Variants in ALK observed in about 807,000 individuals in gnomAD.
ALK encodes ALK tyrosine kinase receptor.
Under a neutral mutation model 163.1 loss-of-function variants are expected in ALK, and 74 were observed. That is an observed-to-expected ratio of 0.45 (90% CI 0.38 to 0.55). The LOEUF (loss-of-function observed/expected upper bound fraction) is 0.55, where lower values mean the gene tolerates loss of function less well. Among genes scored for constraint, ALK ranks in the 20% least tolerant of loss-of-function variants. The pLI is 0.00. For synonymous variants in ALK, 960 were observed against 843.2 expected (o/e 1.14, Z -2.40); for missense variants, 2,063 against 2,105.3 (o/e 0.98, Z 0.39).
intron 4 of ALK, among the ~76,000 whole-genome samples, chr2:29,490,600 G>A (rs1339210015): frequency 6.6e-6 from 1 of 152,144 alleles, no homozygotes; most frequent in Non-Finnish European, 1.5e-5. Context: ...ACTCAACTTT[G>A]AGAACCACTG....
intron 9 of ALK, among the ~76,000 whole-genome samples, chr2:29,288,951 C>CAAAAAAAAAAAAAAAAAAAAAA (rs770578645): frequency 4.1e-5 from 1 of 24,178 alleles, no homozygotes; most frequent in Non-Finnish European, 2.7e-4. Context: ...GACTCCTTCT[C>CAAAAAAAAAAAAAAAAAAAAAA]AAAAAAATAA....
At chr2:29,758,711 G>A (rs1003972092) in intron 1 of ALK, among the ~76,000 whole-genome samples, 1 of 152,112 alleles carries the variant, frequency 6.6e-6, no homozygotes, top group Admixed American at 6.6e-5. Context: ...GCCTCTTCCT[G>A]CTTTTTTCTC....
chr2:29,512,202 A>G (rs1672541039), intron 4 of ALK, among the ~76,000 whole-genome samples: 1 of 152,162 alleles, frequency 6.6e-6, no homozygotes, highest in Non-Finnish European at 1.5e-5. Flanking sequence ...GATTTTGTTT[A>G]GGTCTAGACC....
chr2:29,335,904 G>A (rs1350648309), intron 5 of ALK, among the ~76,000 whole-genome samples: 1 of 152,060 alleles, frequency 6.6e-6, no homozygotes, highest in African/African-American at 2.4e-5. Flanking sequence ...GCTGGGCGTG[G>A]TCATGGACAC....
intron 18 of ALK, among the ~76,000 whole-genome samples, chr2:29,226,342 G>T (rs1034446867): frequency 2.1e-4 from 32 of 151,916 alleles, no homozygotes; most frequent in African/African-American, 7.5e-4. Context: ...GCCTGGCATG[G>T]TGGTGGGCGC....
intron 3 of ALK, among the ~76,000 whole-genome samples, chr2:29,550,727 T>A (rs1673694669): frequency 6.6e-6 from 1 of 152,224 alleles, no homozygotes; most frequent in Admixed American, 6.5e-5. Flanking sequence ...TTTTCCTTTG[T>A]TATCAATCTT....
chr2:29,377,474 C>CA (rs372035289), intron 5 of ALK, among the ~76,000 whole-genome samples: 77,217 of 118,752 alleles, frequency 0.65, 25,345 homozygotes, highest in South Asian at 0.77. Flanking sequence ...GACTACATCT[C>CA]AAAAAAAAAA....
Position 29,227,016 on chromosome 2 carries a change from C to T in ALK, c.2973G>A (p.Glu991=), listed in dbSNP as rs1308382986. 1.3e-5 allele frequency: 21 copies of T among 1,614,070 alleles called. No individual in the cohort carries two copies. The highest frequency in any genetic ancestry group is 1.8e-5 in the Non-Finnish European group (21 of 1,180,046). Residue 991 remains glutamate, a synonymous_variant, in exon 18 of 29, where the codon GAG becomes GAA. Transcript: ENST00000389048. This position sits in a 1 kb window ranked among gnomAD's most constrained non-coding sequence, Gnocchi z 4.4. ...CAGGGTCCATGTGACATTCGTCTAC[C>T]TCACAGTGACTGCAGTTTAGATAAT... ...IKHYLNCSHC[E]VDECHMDPES...
rs770893847 is a variant in ALK, at chr2:29,532,116, C to T, written c.953G>A (p.Gly318Asp). 11 of 1,613,788 alleles carry T rather than the reference C, an allele frequency of 6.8e-6. No individual in the cohort carries two copies. Among genetic ancestry groups the T allele is most frequent in the Non-Finnish European group, 8.5e-6 (10 of 1,179,930 alleles). ...GAERSKEMPR[G>D]SFLLLNTSAD... ...TGAGGTGTTGAGAAGGAGAAAGGAG[C>T]CTGGAAAGAGACAGGGAAAACGAAT... The change falls in exon 4 of 29, where the codon GGC becomes GAC. Residue 318 changes from glycine (G) to aspartate (D), a missense_variant and splice_region_variant. Physicochemically the swap from Gly to Asp is moderately conservative, Grantham distance 94. Around this residue, in one of 5 missense-constraint regions of ALK, gnomAD observed 987 missense variants for 939.5 expected, o/e 1.05. Transcript: ENST00000389048.
intron 3 of ALK, among the ~76,000 whole-genome samples, chr2:29,565,769 C>A (rs114234263): frequency 8.9e-4 from 136 of 152,276 alleles, no homozygotes; most frequent in African/African-American, 3.2e-3. Context: ...GCAAAACTGA[C>A]AGATTGTTCC....
intron 4 of ALK, among the ~76,000 whole-genome samples, chr2:29,530,742 C>A (rs1044880985): frequency 2.6e-5 from 4 of 152,210 alleles, no homozygotes; most frequent in Non-Finnish European, 4.4e-5. Flanking sequence ...AGCCCAGACA[C>A]CTGCTATGCC....
At chr2:29,420,991 G>A (rs1249764724) in intron 4 of ALK, among the ~76,000 whole-genome samples, 1 of 151,584 alleles carries the variant, frequency 6.6e-6, no homozygotes, top group Admixed American at 6.6e-5. Context: ...AAAAGCAATG[G>A]CCAGGAGCTA....
intron 3 of ALK, among the ~76,000 whole-genome samples, chr2:29,544,297 G>A (rs1331496724): frequency 6.6e-6 from 1 of 152,206 alleles, no homozygotes; most frequent in Non-Finnish European, 1.5e-5. Flanking sequence ...CAGGTATTAT[G>A]AGAAGGCTCT....
chr2:29,876,774 GTGA>G (rs1264706827), intron 1 of ALK, among the ~76,000 whole-genome samples: 2 of 151,404 alleles, frequency 1.3e-5, no homozygotes, highest in Non-Finnish European at 2.9e-5. Context: ...GATGATGATG[GTGA>G]TGATGGTGGT....
chr2:29,883,245 C>T (rs141583395), intron 1 of ALK, among the ~76,000 whole-genome samples: 2,187 of 152,280 alleles, frequency 0.014, 28 homozygotes, highest in Non-Finnish European at 0.024. Context: ...CAATGGTTAT[C>T]CAGCAACCAA....
At chr2:29,881,756 T>A (rs1306453696) in intron 1 of ALK, among the ~76,000 whole-genome samples, 1 of 152,178 alleles carries the variant, frequency 6.6e-6, no homozygotes, top group Non-Finnish European at 1.5e-5. Flanking sequence ...ACCCTCTTCA[T>A]CTTTTCCAAG....
chr2:29,728,870 C>A (rs1000905212), intron 1 of ALK, among the ~76,000 whole-genome samples: 3 of 152,154 alleles, frequency 2.0e-5, no homozygotes, highest in African/African-American at 7.2e-5. Flanking sequence ...CAATCGAGAA[C>A]AAGGACAGGG....
At chr2:29,653,201 A>T (rs899455604) in intron 3 of ALK, among the ~76,000 whole-genome samples, 7 of 152,106 alleles carry the variant, frequency 4.6e-5, no homozygotes, top group African/African-American at 1.7e-4. Flanking sequence ...GTGGTCACAG[A>T]TGTCTTCTAT....
chr2:29,512,467 T>C (rs1297407469), intron 4 of ALK, among the ~76,000 whole-genome samples: 4 of 149,212 alleles, frequency 2.7e-5, no homozygotes, highest in Non-Finnish European at 5.9e-5. Flanking sequence ...CTAAAAACTC[T>C]CAATAAATTA....
Sources: gnomAD v4.1 joint callset for allele counts (sites outside exome capture counted in the v4.1 genomes callset) on GRCh38, gnomAD v4.1.1 for gene constraint, gnomAD v4.1.1 regional missense constraint, Gnocchi (gnomAD v3.1) non-coding constraint, MANE v1.5 for transcripts, NCBI Gene and HGNC (gene_info 2026-07-23, HGNC 2026-07-21) for gene names.